RABGAP1L: variants seen among roughly 807,000 people sequenced by gnomAD.
RABGAP1L encodes the protein RAB GTPase activating protein 1 like.
A neutral mutation model predicts 137.7 loss-of-function variants in RABGAP1L; 63 were observed. That is an observed-to-expected ratio of 0.46 (90% CI 0.37 to 0.56). The LOEUF (loss-of-function observed/expected upper bound fraction) is 0.56. Among genes scored for constraint, RABGAP1L ranks in the 20% least tolerant of loss-of-function variants. RABGAP1L has a pLI of 0.00. For synonymous variants in RABGAP1L, 431 were observed against 433.7 expected (o/e 0.99, Z 0.08); for missense variants, 1,095 against 1,244.0 (o/e 0.88, Z 1.80).
At chr1:174,939,584 A>G (rs986625118) in intron 19 of RABGAP1L, among the ~76,000 whole-genome samples, 2 of 151,720 alleles carry the variant, frequency 1.3e-5, no homozygotes, top group African/African-American at 2.4e-5. Flanking sequence ...ATGAGTTTTG[A>G]TTTAGGGAAT....
rs561564918 is a variant in RABGAP1L, at chr1:174,608,888, A to G, written c.1711-28487A>G. Among the ~76,000 whole-genome samples, 25 of 152,280 alleles carry G rather than the reference A, an allele frequency of 1.6e-4. 2 individuals carry two copies. In the South Asian group the frequency reaches 4.8e-3, roughly 29 times the overall value. Reference sequence around the variant, plus strand: ...TTAAAAGATGGTAGTGCCAAAAAAGAACACATGGTTTAGCTGGCCCAAACA... The same window carrying G: ...TTAAAAGATGGTAGTGCCAAAAAAGGACACATGGTTTAGCTGGCCCAAACA... On this transcript the variant is annotated intron_variant, in intron 13 of 25. Coordinates refer to ENST00000681986, the MANE Select transcript of RABGAP1L (RefSeq NM_001366446.1).
intron 13 of RABGAP1L, among the ~76,000 whole-genome samples, chr1:174,542,776 A>G (rs1665589923): frequency 6.6e-6 from 1 of 152,116 alleles, no homozygotes; most frequent in African/African-American, 2.4e-5. Context: ...TGTGTCCCAG[A>G]GATTCTGGTA....
At chr1:174,223,749 A>G (rs555498940) in intron 3 of RABGAP1L, among the ~76,000 whole-genome samples, 55 of 152,286 alleles carry the variant, frequency 3.6e-4, no homozygotes, top group African/African-American at 1.2e-3. Context: ...TCTGAAATGT[A>G]TCTGGACAAG....
At chr1:174,449,717 G>A (rs1655216674) in intron 13 of RABGAP1L, among the ~76,000 whole-genome samples, 1 of 152,174 alleles carries the variant, frequency 6.6e-6, no homozygotes, top group African/African-American at 2.4e-5. Context: ...TCTCTTCATG[G>A]AGGATGCACA....
chr1:174,891,095 A>T (rs1656064537), intron 19 of RABGAP1L, among the ~76,000 whole-genome samples: 1 of 152,278 alleles, frequency 6.6e-6, no homozygotes, highest in Non-Finnish European at 1.5e-5. Context: ...TATAACTACC[A>T]GCAGTGTATA....
intron 13 of RABGAP1L, among the ~76,000 whole-genome samples, chr1:174,588,798 G>T (rs1669327516): frequency 6.6e-6 from 1 of 151,968 alleles, no homozygotes; most frequent in Non-Finnish European, 1.5e-5. Context: ...TTTTATGGCT[G>T]AATAGTACTC....
intron 14 of RABGAP1L, among the ~76,000 whole-genome samples, chr1:174,643,010 C>T (rs1250958578): frequency 6.6e-6 from 1 of 151,998 alleles, no homozygotes; most frequent in African/African-American, 2.4e-5. Context: ...CTCTTGAATC[C>T]CTGAATTCGG....
At chr1:174,746,293 A>C (rs1683861968) in intron 17 of RABGAP1L, among the ~76,000 whole-genome samples, 1 of 152,238 alleles carries the variant, frequency 6.6e-6, no homozygotes, top group East Asian at 1.9e-4. Context: ...TAAAGCAAAG[A>C]TGATGCCAGA....
intron 18 of RABGAP1L, among the ~76,000 whole-genome samples, chr1:174,809,605 C>G (rs1267301781): frequency 6.6e-6 from 1 of 152,114 alleles, no homozygotes; most frequent in Non-Finnish European, 1.5e-5. Flanking sequence ...TTCCAGGTAA[C>G]TAGAGGTTAA....
chr1:174,882,713 ACTT>A (rs1250143244), intron 19 of RABGAP1L, among the ~76,000 whole-genome samples: 3 of 152,222 alleles, frequency 2.0e-5, no homozygotes, highest in Non-Finnish European at 2.9e-5. Context: ...GCCAAGCATA[ACTT>A]CTTATGTCTT....
At chr1:174,455,627 TTAATA>T (rs1655955899) in intron 13 of RABGAP1L, among the ~76,000 whole-genome samples, 1 of 152,128 alleles carries the variant, frequency 6.6e-6, no homozygotes, top group Non-Finnish European at 1.5e-5. Flanking sequence ...AGTTCTAAGT[TTAATA>T]TAATTATTAG....
At chr1:174,232,912 T>G (rs577526033) in intron 4 of RABGAP1L, among the ~76,000 whole-genome samples, 11 of 152,332 alleles carry the variant, frequency 7.2e-5, no homozygotes, top group Admixed American at 5.9e-4. Flanking sequence ...TCCTTCCTTC[T>G]TTTCTTCTTA....
chr1:174,869,113 G>C (rs919327499), intron 19 of RABGAP1L, among the ~76,000 whole-genome samples: 1 of 151,954 alleles, frequency 6.6e-6, no homozygotes, highest in East Asian at 1.9e-4. Context: ...TTTGCCCCCT[G>C]TACATCATTT....
chr1:174,757,078 G>A, intron 18 of RABGAP1L: 1 of 511,702 alleles, frequency 2.0e-6, no homozygotes, highest in Non-Finnish European at 4.0e-6. Flanking sequence ...TTTCCCCCAC[G>A]GACTCTGCCA....
chr1:174,958,039 G>A, intron 20 of RABGAP1L: 2 of 1,532,980 alleles, frequency 1.3e-6, no homozygotes, highest in Non-Finnish European at 1.8e-6. Flanking sequence ...TTTTAGCTGT[G>A]CATGTCATAT....
intron 24 of RABGAP1L, among the ~76,000 whole-genome samples, chr1:174,988,322 T>G (rs1187002339): frequency 2.0e-5 from 3 of 152,202 alleles, no homozygotes; most frequent in African/African-American, 7.2e-5. Context: ...ATACTACAAG[T>G]AAAGCATTTG....
intron 19 of RABGAP1L, among the ~76,000 whole-genome samples, chr1:174,926,600 A>G (rs915782495): frequency 4.6e-5 from 7 of 151,944 alleles, no homozygotes; most frequent in African/African-American, 1.7e-4. Flanking sequence ...TTAATCTCGT[A>G]TGTAACAAAC....
At chr1:174,615,891 G>T (rs1053330762) in intron 13 of RABGAP1L, among the ~76,000 whole-genome samples, 1 of 152,248 alleles carries the variant, frequency 6.6e-6, no homozygotes, top group African/African-American at 2.4e-5. Flanking sequence ...CCAGGTGCAG[G>T]ATATAATCTC....
At chr1:174,639,983 A>T (rs1389818475) in intron 14 of RABGAP1L, among the ~76,000 whole-genome samples, 1 of 152,204 alleles carries the variant, frequency 6.6e-6, no homozygotes, top group African/African-American at 2.4e-5. Context: ...TATATCTGAG[A>T]TACTTTATTA....
Sources: allele counts gnomAD v4.1 joint callset (sites outside exome capture counted in the v4.1 genomes callset), GRCh38; gene constraint gnomAD v4.1.1; transcripts MANE v1.5; gene names NCBI Gene and HGNC (gene_info 2026-07-23, HGNC 2026-07-21).